Variants in ZNF326 observed in about 807,000 individuals in gnomAD.
ZNF326 encodes zinc finger protein 326.
A neutral mutation model predicts 63.1 loss-of-function variants in ZNF326; 30 were observed. The observed-to-expected ratio is 0.48, with a 90% confidence interval of 0.36 to 0.64. The LOEUF is 0.64. ZNF326 is among the 30% of genes least tolerant of loss of function. ZNF326 has a pLI of 0.00. For missense variants in ZNF326, 609 were observed against 720.3 expected, an observed-to-expected ratio of 0.85 and a Z score of 1.77; for synonymous variants, 194 against 228.2, an observed-to-expected ratio of 0.85 and a Z score of 1.35.
At chr1:90,013,008 C>G (rs1398514086) in intron 6 of ZNF326, 118 bp from the exon 7 acceptor site, 2 of 782,296 alleles carry the variant, frequency 2.6e-6, no homozygotes, top group Non-Finnish European at 3.6e-6. Context: ...TTGGTGAGTT[C>G]AATTTTAGAT....
In ZNF326 at chr1:90,015,550, C is replaced by T. The variant is rs764251193; in HGVS notation, c.927-1767C>T. Among the ~76,000 whole-genome samples the T allele has an allele frequency of 1.0e-3, 153 of 152,026 alleles. 4 individuals are homozygous for T. The highest frequency in any genetic ancestry group is 2.5e-4 in the Non-Finnish European group (17 of 68,004). On this transcript the variant is annotated intron_variant, in intron 7 of 11. Transcript: ENST00000340281. ...CAAAAATTAGCCAGGTGTGGTGGCA[C>T]GTGCCTGTGGTCCCAGCCACTTGGG...
rs1224606950 is a variant in ZNF326 at position 90,029,299 on chromosome 1, A to G, written c.*1598A>G. On this transcript the variant is annotated 3_prime_UTR_variant, in exon 12 of 12. Transcript: ENST00000340281. ...GAACCAATACAGTTTTTTTTTTTTGAGGTGAACTAGGTTTGCCTAGCTTTA... is the reference window on the plus strand; with the variant it reads ...GAACCAATACAGTTTTTTTTTTTTGGGGTGAACTAGGTTTGCCTAGCTTTA... 4.3e-5 allele frequency: 6 copies of G among 139,086 alleles called. No individual in the cohort carries two copies. Among genetic ancestry groups the G allele is most frequent in the Non-Finnish European group, 9.3e-5 (6 of 64,196 alleles). 8.6% of individuals were successfully genotyped at this position (139,086 alleles called of 1,614,324 possible).
At chr1:90,006,722 C>T (rs981379532) in intron 4 of ZNF326, among the ~76,000 whole-genome samples, 3 of 152,098 alleles carry the variant, frequency 2.0e-5, no homozygotes, top group Non-Finnish European at 4.4e-5. Context: ...TTCTAGTCTA[C>T]AAGTAAAAAG....
At chr1:90,010,341 T>C in intron 6 of ZNF326, 55 bp downstream of exon 6, 2 of 1,559,052 alleles carry the variant, frequency 1.3e-6, no homozygotes, top group South Asian at 2.4e-5. Flanking sequence ...TTTTTAAAAT[T>C]CCATACTTTT....
At chr1:89,997,422 G>A (rs1165250341) in intron 1 of ZNF326, among the ~76,000 whole-genome samples, 1 of 151,780 alleles carries the variant, frequency 6.6e-6, no homozygotes, top group Non-Finnish European at 1.5e-5. Flanking sequence ...CGCCCAGGCT[G>A]GAGTGCAGTG....
At chr1:90,019,124 A>G (rs181835427) in intron 9 of ZNF326, among the ~76,000 whole-genome samples, 1 of 152,204 alleles carries the variant, frequency 6.6e-6, no homozygotes, top group African/African-American at 2.4e-5. Context: ...TTTTGATTCC[A>G]TCTCTGGAGT....
At chr1:90,004,798 C>CTTTTTTTTTTTTTTTT (rs34878438) in intron 2 of ZNF326, among the ~76,000 whole-genome samples, 1 of 68,116 alleles carries the variant, frequency 1.5e-5, no homozygotes, top group Non-Finnish European at 2.6e-5. Flanking sequence ...AATATCAGGG[C>CTTTTTTTTTTTTTTTT]TTTTTTTTTT....
intron 2 of ZNF326, among the ~76,000 whole-genome samples, chr1:89,999,863 T>A (rs1329527314): frequency 6.6e-6 from 1 of 152,228 alleles, no homozygotes; most frequent in Non-Finnish European, 1.5e-5. Flanking sequence ...GAGGTGGGAA[T>A]ATAGCAGTGA....
At chr1:90,022,102 T>C in intron 10 of ZNF326, 148 bp from the exon 11 acceptor site, 1 of 581,950 alleles carries the variant, frequency 1.7e-6, no homozygotes, top group Non-Finnish European at 3.0e-6. Flanking sequence ...ATTTAGACTG[T>C]GGTTATAGTA....
intron 1 of ZNF326, among the ~76,000 whole-genome samples, chr1:89,995,611 A>T (rs1415195720): frequency 1.3e-5 from 2 of 152,242 alleles, no homozygotes; most frequent in African/African-American, 4.8e-5. Context: ...TCTCGGGCAA[A>T]CGGGCGAGTG....
chr1:90,013,017 A>G, intron 6 of ZNF326, 109 bp from the exon 7 acceptor site: 1 of 850,756 alleles, frequency 1.2e-6, no homozygotes. Context: ...TCAATTTTAG[A>G]TTACAATCAC....
intron 10 of ZNF326, among the ~76,000 whole-genome samples, chr1:90,021,456 A>G (rs1254328594): frequency 6.6e-6 from 1 of 152,076 alleles, no homozygotes; most frequent in African/African-American, 2.4e-5. Context: ...TACATTTAAA[A>G]ACAGCATTAT....
At position 90,007,464 on chromosome 1, in the gene ZNF326, G is replaced by C. The variant is rs201031234; in HGVS notation, c.329G>C (p.Arg110Pro). The part of the protein sequence containing the change: ...QSRFGGSYGG[R>P]FESSYRNSLD... ...CGCTTCGGAGGTAGTTATGGTGGTCGATTTGAGAGCTCCTACCGGAATAGC... is the reference window on the plus strand; with the variant it reads ...CGCTTCGGAGGTAGTTATGGTGGTCCATTTGAGAGCTCCTACCGGAATAGC... The change falls in exon 5 of 12, where the codon CGA becomes CCA. Residue 110 changes from arginine to proline, a missense_variant. Physicochemically the swap from Arg to Pro is moderately radical, Grantham distance 103. This residue lies in a region of ZNF326 where 113 missense variants were observed against 187.4 expected (regional missense o/e 0.60). Transcript: ENST00000340281. The surrounding 1 kb of genome is among the most constrained non-coding windows in gnomAD (Gnocchi z 4.9). 2 of 1,613,940 alleles carry C rather than the reference G, an allele frequency of 1.2e-6. No individual in the cohort carries two copies. The highest frequency in any genetic ancestry group is 3.3e-5 in the Admixed American group (2 of 59,996).
intron 9 of ZNF326, among the ~76,000 whole-genome samples, chr1:90,019,992 A>G (rs1336741879): frequency 6.6e-6 from 1 of 152,110 alleles, no homozygotes; most frequent in Non-Finnish European, 1.5e-5. Context: ...TGATAACATC[A>G]ATTCTCTTTT....
intron 8 of ZNF326, among the ~76,000 whole-genome samples, chr1:90,018,443 A>G (rs376560178): frequency 5.3e-5 from 8 of 152,206 alleles, no homozygotes; most frequent in African/African-American, 1.9e-4. Context: ...GACCTCTTAA[A>G]TATTCTAGCT....
intron 10 of ZNF326, among the ~76,000 whole-genome samples, chr1:90,021,339 A>G (rs1649762954): frequency 6.6e-6 from 1 of 151,974 alleles, no homozygotes; most frequent in African/African-American, 2.4e-5. Flanking sequence ...AGTACAAAAC[A>G]GTTTTGTGAG....
chr1:90,003,290 C>G (rs1040544949), intron 2 of ZNF326, among the ~76,000 whole-genome samples: 7 of 152,192 alleles, frequency 4.6e-5, no homozygotes, highest in African/African-American at 1.4e-4. Flanking sequence ...GCCACCACAC[C>G]CAGCTAATTT....
At position 90,029,855 on chromosome 1, in the gene ZNF326, A is replaced by C. The variant is rs949942586; in HGVS notation, c.*2154A>C. 5.9e-5 allele frequency: 9 copies of C among 152,210 alleles called. No individual in the cohort carries two copies. Among genetic ancestry groups the C allele is most frequent in the African/African-American group, 2.2e-4 (9 of 41,454 alleles). The allele number at this position is 152,210 out of a possible 1,614,324, so 9.4% of individuals were successfully genotyped here. ...TACTGTGCTTAATTCAGAAATTCAAATTCATGTATTTCCTATTGGATAATT... is the reference window on the plus strand; with the variant it reads ...TACTGTGCTTAATTCAGAAATTCAACTTCATGTATTTCCTATTGGATAATT... On this transcript the variant is annotated 3_prime_UTR_variant, in exon 12 of 12. Coordinates refer to ENST00000340281, the MANE Select transcript of ZNF326 (RefSeq NM_182976.4).
chr1:90,027,915 A>T lies in ZNF326; in HGVS notation c.*214A>T, dbSNP rs1650101323. ...TAGTTTTTATAGCTACCAGACTTAG[A>T]TCCGATAAATTGTTTGTATAATTTT... On this transcript the variant is annotated 3_prime_UTR_variant, in exon 12 of 12. Transcript: ENST00000340281. 1.3e-5 allele frequency: 7 copies of T among 538,870 alleles called. No homozygotes were observed. The highest frequency in any genetic ancestry group is 2.3e-5 in the Non-Finnish European group (7 of 308,692). 33.4% of individuals were successfully genotyped at this position (538,870 alleles called of 1,614,324 possible).
Sources: gnomAD v4.1 joint callset for allele counts (sites outside exome capture counted in the v4.1 genomes callset) on GRCh38, gnomAD v4.1.1 for gene constraint, gnomAD v4.1.1 regional missense constraint, Gnocchi (gnomAD v3.1) non-coding constraint, MANE v1.5 for transcripts, NCBI Gene and HGNC (gene_info 2026-07-23, HGNC 2026-07-21) for gene names.